RNF220: variants seen among roughly 807,000 people sequenced by gnomAD.
RNF220 encodes ring finger protein 220, also known as E3 ubiquitin-protein ligase RNF220.
In RNF220, 7 loss-of-function variants were observed where a neutral mutation model predicts 67.1. The ratio of observed to expected loss-of-function variants is 0.10; its 90% CI spans 0.06 to 0.20. The LOEUF is 0.20. Ranked by LOEUF, RNF220 falls within the 10% of genes least tolerant of loss-of-function variation. The probability of loss-of-function intolerance (pLI) is 1.00; values close to 1 mark genes in which losing one functional copy is unlikely to be tolerated. For missense variants in RNF220, 565 were observed against 740.3 expected, an observed-to-expected ratio of 0.76 and a Z score of 2.75; for synonymous variants, 270 against 283.2, an observed-to-expected ratio of 0.95 and a Z score of 0.47.
chr1:44,560,138 C>A (rs550142011), intron 2 of RNF220, among the ~76,000 whole-genome samples: 1 of 152,330 alleles, frequency 6.6e-6, no homozygotes, highest in Non-Finnish European at 1.5e-5. Flanking sequence ...GGGGAGGACT[C>A]CCAGTGAGTG....
Position 44,482,129 on chromosome 1 carries a change from G to A in RNF220, c.625+69407G>A, listed in dbSNP as rs572679457. On this transcript the variant is annotated intron_variant, in intron 2 of 14. Coordinates refer to ENST00000361799, the MANE Select transcript of RNF220 (RefSeq NM_018150.4). ...AGACAAGAAAACAGAAGCTTAAAAGGTTAATTTTCCTAAAGTTTCTCAACT... is the reference window on the plus strand; with the variant it reads ...AGACAAGAAAACAGAAGCTTAAAAGATTAATTTTCCTAAAGTTTCTCAACT... Among the ~76,000 whole-genome samples, 5 of 152,268 alleles carry A rather than the reference G, an allele frequency of 3.3e-5. No individual in the cohort carries two copies. In the South Asian group the frequency reaches 1.0e-3, roughly 32 times the overall value.
chr1:44,409,107 T>C (rs1397253719), intron 1 of RNF220, among the ~76,000 whole-genome samples: 1 of 152,274 alleles, frequency 6.6e-6, no homozygotes, highest in Admixed American at 6.5e-5. Flanking sequence ...CTGGCGTGTT[T>C]AACCACGCAA....
intron 2 of RNF220, among the ~76,000 whole-genome samples, chr1:44,556,812 G>A (rs918547177): frequency 2.0e-5 from 3 of 152,100 alleles, no homozygotes; most frequent in Non-Finnish European, 2.9e-5. Context: ...ACCAGCCTCG[G>A]CCTCCCAAAG....
chr1:44,549,936 T>G (rs1047835429), intron 2 of RNF220, among the ~76,000 whole-genome samples: 5 of 152,156 alleles, frequency 3.3e-5, no homozygotes, highest in African/African-American at 1.2e-4. Context: ...ACGCCTGGGC[T>G]CCATCTGTCC....
At chr1:44,493,875 C>T (rs1657079402) in intron 2 of RNF220, among the ~76,000 whole-genome samples, 1 of 151,886 alleles carries the variant, frequency 6.6e-6, no homozygotes. Context: ...CTCTGTATGG[C>T]ATATGAATTA....
chr1:44,561,413 G>A (rs1034682791), intron 2 of RNF220, among the ~76,000 whole-genome samples: 4 of 152,236 alleles, frequency 2.6e-5, no homozygotes, highest in Non-Finnish European at 4.4e-5. Flanking sequence ...GGGAGGCTGA[G>A]GCAGAGAATT....
intron 1 of RNF220, among the ~76,000 whole-genome samples, chr1:44,406,648 C>T (rs2147787472): frequency 6.6e-6 from 1 of 152,368 alleles, no homozygotes; most frequent in East Asian, 1.9e-4. Flanking sequence ...GGAACCCAGC[C>T]CCGCCACCGC....
chr1:44,431,551 A>C (rs1224420795), intron 2 of RNF220, among the ~76,000 whole-genome samples: 2 of 151,904 alleles, frequency 1.3e-5, no homozygotes. Flanking sequence ...GCTTTCTTCA[A>C]GTGAGCAAGA....
intron 2 of RNF220, among the ~76,000 whole-genome samples, chr1:44,589,411 G>C (rs1572969372): frequency 6.6e-6 from 1 of 152,112 alleles, no homozygotes; most frequent in Non-Finnish European, 1.5e-5. Flanking sequence ...TCAGGAGATC[G>C]AGACCATCCT....
chr1:44,502,873 C>T (rs1658049879), intron 2 of RNF220, among the ~76,000 whole-genome samples: 1 of 152,106 alleles, frequency 6.6e-6, no homozygotes, highest in African/African-American at 2.4e-5. Context: ...TCAAGCGATC[C>T]TCCTGCTTCA....
intron 2 of RNF220, among the ~76,000 whole-genome samples, chr1:44,463,696 T>C (rs1373158614): frequency 1.3e-5 from 2 of 152,218 alleles, no homozygotes; most frequent in Admixed American, 1.3e-4. Flanking sequence ...TGGTGTATAA[T>C]TGGCTTCCAT....
intron 2 of RNF220, among the ~76,000 whole-genome samples, chr1:44,529,910 A>T (rs565821070): frequency 6.6e-6 from 1 of 151,868 alleles, no homozygotes; most frequent in African/African-American, 2.4e-5. Context: ...AAAAATTAGC[A>T]GGGCATGGTG....
chr1:44,531,991 T>G (rs1660870698), intron 2 of RNF220, among the ~76,000 whole-genome samples: 1 of 152,124 alleles, frequency 6.6e-6, no homozygotes, highest in Non-Finnish European at 1.5e-5. Context: ...TTTTCTAAGG[T>G]GCTGAGTCTC....
intron 2 of RNF220, 107 bp from the exon 3 acceptor site, chr1:44,614,058 G>A: frequency 6.8e-7 from 1 of 1,461,136 alleles, no homozygotes; most frequent in South Asian, 1.3e-5. Flanking sequence ...TCTAGGCCAA[G>A]AAGCCCTAGA....
At chr1:44,632,202 G>A (rs1440290305) in intron 5 of RNF220, 141 bp from the exon 6 acceptor site, 2 of 1,601,448 alleles carry the variant, frequency 1.2e-6, no homozygotes, top group Non-Finnish European at 1.7e-6. Context: ...CCGGCGGGAG[G>A]GAGGAAGTAG....
intron 2 of RNF220, among the ~76,000 whole-genome samples, chr1:44,535,404 G>C (rs1413775430): frequency 6.6e-6 from 1 of 151,996 alleles, no homozygotes; most frequent in Admixed American, 6.6e-5. Flanking sequence ...CTCCCAAAGT[G>C]CTGCGATTAC....
chr1:44,549,093 A>G (rs59776111), intron 2 of RNF220, among the ~76,000 whole-genome samples: 8,258 of 152,224 alleles, frequency 0.054, 640 homozygotes, highest in African/African-American at 0.16. Context: ...AGGCTGAGAC[A>G]CGAGAATCAC....
At chr1:44,440,013 G>C (rs1651389454) in intron 2 of RNF220, among the ~76,000 whole-genome samples, 1 of 152,210 alleles carries the variant, frequency 6.6e-6, no homozygotes, top group South Asian at 2.1e-4. Context: ...AAGGTTTTGT[G>C]ACTGAGTAGA....
chr1:44,632,441 C>A, intron 6 of RNF220, 56 bp downstream of exon 6: 1 of 1,503,114 alleles, frequency 6.7e-7, no homozygotes, highest in Non-Finnish European at 9.0e-7. Context: ...CCCTCCCTCC[C>A]TCACTGCCTG....
Sources: gnomAD v4.1 joint callset for allele counts (sites outside exome capture counted in the v4.1 genomes callset) on GRCh38, gnomAD v4.1.1 for gene constraint, MANE v1.5 for transcripts, NCBI Gene and HGNC (gene_info 2026-07-23, HGNC 2026-07-21) for gene names.